Variants in CNTNAP5 observed in about 807,000 individuals in gnomAD.
CNTNAP5 encodes contactin-associated protein-like 5.
In CNTNAP5, 72 loss-of-function variants were observed where a neutral mutation model predicts 150.2. That is an observed-to-expected ratio of 0.48 (90% confidence interval 0.40 to 0.58). The LOEUF is 0.58. Ranked by LOEUF, CNTNAP5 falls within the 20% of genes least tolerant of loss-of-function variation. The pLI is 0.00. For missense variants in CNTNAP5, 1,636 were observed against 1,626.2 expected (o/e 1.01, Z -0.10); for synonymous variants, 672 against 619.8 (o/e 1.08, Z -1.25).
chr2:124,680,387 A>G (rs1406973116), intron 13 of CNTNAP5, among the ~76,000 whole-genome samples: 2 of 151,902 alleles, frequency 1.3e-5, no homozygotes, highest in East Asian at 3.9e-4. Context: ...ATGTCAAGGA[A>G]AGCGAAGAAC....
chr2:124,106,010 T>C (rs1683163798), intron 1 of CNTNAP5, among the ~76,000 whole-genome samples: 1 of 152,194 alleles, frequency 6.6e-6, no homozygotes, highest in African/African-American at 2.4e-5. Flanking sequence ...TCATTTAATC[T>C]TTCATGAAAT....
chr2:124,886,721 C>G (rs1477229143), intron 21 of CNTNAP5, among the ~76,000 whole-genome samples: 1 of 151,994 alleles, frequency 6.6e-6, no homozygotes, highest in Non-Finnish European at 1.5e-5. Flanking sequence ...CACATGTAAA[C>G]ACAAGTGTGA....
chr2:124,333,458 A>C (rs7574198), intron 3 of CNTNAP5, among the ~76,000 whole-genome samples: 35,944 of 152,132 alleles, frequency 0.24, 4,405 homozygotes, highest in Middle Eastern at 0.28. Context: ...GAGAAAGAAC[A>C]TAAGTTTTTC....
At chr2:124,872,374 C>CTGTGTGTG (rs56024878) in intron 21 of CNTNAP5, among the ~76,000 whole-genome samples, 8 of 139,336 alleles carry the variant, frequency 5.7e-5, no homozygotes, top group Admixed American at 3.6e-4. Context: ...TTTCCTTATG[C>CTGTGTGTG]TGTGTGTGTG....
intron 3 of CNTNAP5, among the ~76,000 whole-genome samples, chr2:124,276,660 C>T (rs765673675): frequency 6.6e-6 from 1 of 152,114 alleles, no homozygotes; most frequent in Non-Finnish European, 1.5e-5. Flanking sequence ...GTGACAGGGC[C>T]TTTCCCCCAC....
chr2:124,686,768 G>C (rs1679201196), intron 13 of CNTNAP5, among the ~76,000 whole-genome samples: 1 of 152,138 alleles, frequency 6.6e-6, no homozygotes, highest in Non-Finnish European at 1.5e-5. Flanking sequence ...TAGATATGTG[G>C]AGCTTTGAAG....
intron 1 of CNTNAP5, among the ~76,000 whole-genome samples, chr2:124,119,480 G>C (rs1225215250): frequency 6.6e-6 from 1 of 151,862 alleles, no homozygotes; most frequent in African/African-American, 2.4e-5. Flanking sequence ...GTTCTCACCA[G>C]TAAAAACAAA....
intron 13 of CNTNAP5, among the ~76,000 whole-genome samples, chr2:124,657,186 C>T (rs1183254277): frequency 2.0e-5 from 3 of 152,154 alleles, no homozygotes. Context: ...TGGGGGCACA[C>T]CTACTTTCTA....
intron 3 of CNTNAP5, among the ~76,000 whole-genome samples, chr2:124,245,550 T>G (rs1686994853): frequency 6.6e-6 from 1 of 151,278 alleles, no homozygotes; most frequent in Admixed American, 6.6e-5. Flanking sequence ...AGGTGGTTTA[T>G]CAAGAAAATA....
chr2:124,737,297 A>AG (rs1239000273), intron 13 of CNTNAP5, among the ~76,000 whole-genome samples: 3 of 151,954 alleles, frequency 2.0e-5, no homozygotes, highest in Non-Finnish European at 4.4e-5. Flanking sequence ...TCTCAAAAAA[A>AG]AAAAAAAAAT....
At chr2:124,032,414 T>C (rs1175652210) in intron 1 of CNTNAP5, among the ~76,000 whole-genome samples, 1 of 152,078 alleles carries the variant, frequency 6.6e-6, no homozygotes, top group Non-Finnish European at 1.5e-5. Flanking sequence ...TATAGTCAGA[T>C]TTTTTTGCTT....
intron 3 of CNTNAP5, among the ~76,000 whole-genome samples, chr2:124,327,641 A>G (rs1689252043): frequency 1.3e-5 from 2 of 152,220 alleles, no homozygotes; most frequent in African/African-American, 4.8e-5. Context: ...TGTAACCCAG[A>G]CATTCCTTTC....
At chr2:124,077,758 G>A (rs905719664) in intron 1 of CNTNAP5, among the ~76,000 whole-genome samples, 2 of 152,178 alleles carry the variant, frequency 1.3e-5, no homozygotes, top group Non-Finnish European at 2.9e-5. Context: ...CAGCTTTATA[G>A]AAAGTAGGTA....
At chr2:124,808,531 C>T (rs950420900) in intron 19 of CNTNAP5, among the ~76,000 whole-genome samples, 2 of 149,022 alleles carry the variant, frequency 1.3e-5, no homozygotes, top group Admixed American at 6.8e-5. Flanking sequence ...GACGTTGCAG[C>T]GAGCCAAGAT....
intron 7 of CNTNAP5, among the ~76,000 whole-genome samples, chr2:124,480,001 C>A (rs961874292): frequency 6.6e-6 from 1 of 152,184 alleles, no homozygotes; most frequent in Non-Finnish European, 1.5e-5. Flanking sequence ...ATAAAAACAT[C>A]TATAAATCCA....
chr2:124,111,802 T>C (rs535355867), intron 1 of CNTNAP5, among the ~76,000 whole-genome samples: 36 of 152,342 alleles, frequency 2.4e-4, no homozygotes, highest in African/African-American at 7.7e-4. Flanking sequence ...TAACTTTTAT[T>C]CCTGTCCTTA....
At chr2:124,527,088 G>A (rs1374877097) in intron 9 of CNTNAP5, among the ~76,000 whole-genome samples, 197 bp from the exon 10 acceptor site, 3 of 152,104 alleles carry the variant, frequency 2.0e-5, no homozygotes, top group Non-Finnish European at 4.4e-5. Context: ...TTTCTCTACA[G>A]TGATGGAGTA....
intron 19 of CNTNAP5, among the ~76,000 whole-genome samples, chr2:124,829,186 C>T (rs1682662079): frequency 6.6e-6 from 1 of 152,164 alleles, no homozygotes; most frequent in African/African-American, 2.4e-5. Flanking sequence ...AGCTATACAT[C>T]ATTCCAGAGT....
At chr2:124,427,455 ATTAT>A (rs918620561) in intron 4 of CNTNAP5, among the ~76,000 whole-genome samples, 9 of 151,502 alleles carry the variant, frequency 5.9e-5, no homozygotes, top group South Asian at 2.1e-4. Flanking sequence ...TTTTTTTATT[ATTAT>A]TTATTTATTT....
Sources: gnomAD v4.1 joint callset for allele counts (sites outside exome capture counted in the v4.1 genomes callset) on GRCh38, gnomAD v4.1.1 for gene constraint, MANE v1.5 for transcripts, NCBI Gene and HGNC (gene_info 2026-07-23, HGNC 2026-07-21) for gene names.